DLG2: variants seen among roughly 807,000 people sequenced by gnomAD.
DLG2 encodes disks large homolog 2.
A neutral mutation model predicts 132.5 loss-of-function variants in DLG2; 45 were observed. The ratio of observed to expected loss-of-function variants is 0.34; its 90% CI spans 0.27 to 0.44. The LOEUF is 0.44. DLG2 is among the 20% of genes least tolerant of loss of function. The pLI is 1.00. For missense variants in DLG2, 1,045 were observed against 1,196.9 expected (o/e 0.87, Z 1.87); for synonymous variants, 424 against 419.6 (o/e 1.01, Z -0.13).
At chr11:85,481,638 C>T (rs576976697) in intron 3 of DLG2, among the ~76,000 whole-genome samples, 12 of 152,228 alleles carry the variant, frequency 7.9e-5, no homozygotes, top group African/African-American at 2.9e-4. Context: ...GTCTGTATAG[C>T]AAATTAAGTA....
chr11:84,449,232 A>G (rs17147359), intron 7 of DLG2, among the ~76,000 whole-genome samples: 13,377 of 151,938 alleles, frequency 0.088, 1,989 homozygotes, highest in African/African-American at 0.3. Flanking sequence ...AAACCAATTT[A>G]TACAGTAATA....
chr11:84,789,141 C>T (rs1212893361), intron 6 of DLG2, among the ~76,000 whole-genome samples: 1 of 152,138 alleles, frequency 6.6e-6, no homozygotes, highest in Admixed American at 6.5e-5. Flanking sequence ...AAGGTGGAGG[C>T]TTAGAAACTG....
At chr11:85,510,683 C>A (rs189981689) in intron 3 of DLG2, among the ~76,000 whole-genome samples, 1 of 152,158 alleles carries the variant, frequency 6.6e-6, no homozygotes, top group African/African-American at 2.4e-5. Context: ...TACCACCTCA[C>A]GCCAGTTAGA....
At chr11:83,590,780 T>C (rs1042104131) in intron 19 of DLG2, among the ~76,000 whole-genome samples, 3 of 151,782 alleles carry the variant, frequency 2.0e-5, no homozygotes, top group Admixed American at 1.3e-4. Context: ...AAGAATCAAA[T>C]AGACACAATA....
chr11:83,735,785 CCTTT>C (rs2091816990), intron 18 of DLG2, among the ~76,000 whole-genome samples: 2 of 152,202 alleles, frequency 1.3e-5, no homozygotes, highest in East Asian at 3.9e-4. Context: ...GATGGTTCAC[CCTTT>C]CTAAGTGAAC....
At chr11:84,746,451 A>AT (rs1277885671) in intron 6 of DLG2, among the ~76,000 whole-genome samples, 1 of 151,790 alleles carries the variant, frequency 6.6e-6, no homozygotes, top group Non-Finnish European at 1.5e-5. Flanking sequence ...ATTAAAAAAA[A>AT]AAAAAGGACA....
At chr11:83,489,520 C>T (rs7948931) in intron 21 of DLG2, among the ~76,000 whole-genome samples, 93,889 of 151,768 alleles carry the variant, frequency 0.62, 29,710 homozygotes, top group African/African-American at 0.74. Flanking sequence ...CCAAACCCAT[C>T]TGTGATACTT....
intron 4 of DLG2, among the ~76,000 whole-genome samples, chr11:85,262,446 T>C (rs2076991002): frequency 6.6e-6 from 1 of 152,172 alleles, no homozygotes; most frequent in Non-Finnish European, 1.5e-5. Context: ...ACAAGTTTAT[T>C]GGAGGTCTGA....
intron 18 of DLG2, among the ~76,000 whole-genome samples, chr11:83,687,853 C>T (rs908850717): frequency 1.3e-5 from 2 of 151,918 alleles, no homozygotes; most frequent in Non-Finnish European, 2.9e-5. Context: ...ACAAAAAATA[C>T]CAGCTGGTCA....
chr11:84,407,903 C>T (rs961993259), intron 7 of DLG2, among the ~76,000 whole-genome samples: 2 of 152,036 alleles, frequency 1.3e-5, no homozygotes, highest in Non-Finnish European at 2.9e-5. Context: ...GAGTGTATTG[C>T]AAAACAAGGA....
chr11:84,148,895 AT>A (rs2095190543), intron 9 of DLG2, among the ~76,000 whole-genome samples: 1 of 151,852 alleles, frequency 6.6e-6, no homozygotes, highest in African/African-American at 2.4e-5. Flanking sequence ...TTTTTGACCT[AT>A]TATCAAAAGC....
At chr11:84,653,416 CA>C (rs2099684493) in intron 6 of DLG2, among the ~76,000 whole-genome samples, 1 of 152,168 alleles carries the variant, frequency 6.6e-6, no homozygotes, top group African/African-American at 2.4e-5. Context: ...ATCAACAGAG[CA>C]AGACCAAAGT....
chr11:85,163,445 A>T (rs1223273632), intron 4 of DLG2, among the ~76,000 whole-genome samples: 1 of 152,180 alleles, frequency 6.6e-6, no homozygotes, highest in African/African-American at 2.4e-5. Flanking sequence ...ATGATAATAG[A>T]AAGTATAGGA....
At chr11:85,267,884 ATGTGTGTGTG>A (rs35082133) in intron 4 of DLG2, among the ~76,000 whole-genome samples, 1 of 148,208 alleles carries the variant, frequency 6.7e-6, no homozygotes, top group Non-Finnish European at 1.5e-5. Flanking sequence ...TGACTTTTGT[ATGTGTGTGTG>A]TGTGTGTGTG....
intron 20 of DLG2, among the ~76,000 whole-genome samples, chr11:83,535,531 C>A (rs565600756): frequency 6.6e-6 from 1 of 152,158 alleles, no homozygotes; most frequent in Non-Finnish European, 1.5e-5. Context: ...AATGGTTCAT[C>A]CCTTAAATCT....
At chr11:85,471,142 C>G (rs1445592958) in intron 3 of DLG2, among the ~76,000 whole-genome samples, 1 of 152,112 alleles carries the variant, frequency 6.6e-6, no homozygotes, top group Non-Finnish European at 1.5e-5. Context: ...CAGTATAGTT[C>G]CTGGTACATG....
chr11:84,808,997 A>G (rs2076280372), intron 6 of DLG2, among the ~76,000 whole-genome samples: 1 of 152,008 alleles, frequency 6.6e-6, no homozygotes, highest in Non-Finnish European at 1.5e-5. Context: ...CAAAAGAAGA[A>G]AACTACAGGT....
chr11:83,635,902 C>T (rs1409807908), intron 18 of DLG2, among the ~76,000 whole-genome samples: 1 of 152,068 alleles, frequency 6.6e-6, no homozygotes, highest in Admixed American at 6.5e-5. Flanking sequence ...CTGGTCAAAC[C>T]TTTGCACAAA....
In DLG2 at chr11:83,956,524, C is replaced by T. The variant is rs564762260; in HGVS notation, c.1340+6361G>A. Among the ~76,000 whole-genome samples the T allele has an allele frequency of 1.2e-3, 182 of 152,344 alleles. 1 individual carries two copies. Among genetic ancestry groups the T allele is most frequent in the African/African-American group, 4.2e-3 (173 of 41,586 alleles). ...CTTGCTCCTGTGCCAGTGCCTGAAG[C>T]AACCAGCTGGATCCCACACTCACTC... On this transcript the variant is annotated intron_variant, in intron 14 of 27. Transcript: ENST00000376104.
Sources: gnomAD v4.1 joint callset for allele counts (sites outside exome capture counted in the v4.1 genomes callset) on GRCh38, gnomAD v4.1.1 for gene constraint, MANE v1.5 for transcripts, NCBI Gene and HGNC (gene_info 2026-07-23, HGNC 2026-07-21) for gene names.